The following CNTRL variants were observed in gnomAD, a reference collection of about 807,000 sequenced individuals.
The protein encoded by CNTRL is centriolin, also known as 110 kDa centrosomal protein.
A neutral mutation model predicts 303.7 loss-of-function variants in CNTRL; 233 were observed. The ratio of observed to expected loss-of-function variants is 0.77; its 90% CI spans 0.69 to 0.86. The LOEUF (loss-of-function observed/expected upper bound fraction) is 0.86. CNTRL is among the 40% of genes least tolerant of loss of function. The pLI is 0.00. For synonymous variants in CNTRL, 900 were observed against 922.2 expected (o/e 0.98, Z 0.44); for missense variants, 2,524 against 2,650.6 (o/e 0.95, Z 1.05).
At position 121,145,294 on chromosome 9, in the gene CNTRL, G is replaced by A; in HGVS notation, c.3219G>A (p.Gln1073=). The A allele has an allele frequency of 6.2e-7, 1 of 1,614,000 alleles. No individual in the cohort carries two copies. Among genetic ancestry groups the A allele is most frequent in the Non-Finnish European group, 8.5e-7 (1 of 1,179,962 alleles). ...KTGVGTGANS[Q]VLEIEKLNET... is the part of the protein sequence containing the mutation. ...GTGTAGGTACTGGAGCAAACTCACA[G>A]GTCCTAGAAATTGAGAAACTGAATG... Residue 1073 remains glutamine, a synonymous_variant, in exon 22 of 44, where the codon CAG becomes CAA. Coordinates refer to ENST00000373855, the MANE Select transcript of CNTRL (RefSeq NM_007018.6).
At chr9:121,112,674 A>G (rs749022051) in intron 9 of CNTRL, 96 bp downstream of exon 9, 8 of 1,237,096 alleles carry the variant, frequency 6.5e-6, no homozygotes, top group Non-Finnish European at 8.1e-6. Flanking sequence ...GGATTTGATC[A>G]GATATCACTC....
At chr9:121,142,528 T>C (rs2051576218) in intron 19 of CNTRL, among the ~76,000 whole-genome samples, 1 of 152,224 alleles carries the variant, frequency 6.6e-6, no homozygotes, top group African/African-American at 2.4e-5. Flanking sequence ...ACTTAACAAA[T>C]GATATTGGGA....
chr9:121,086,074 C>T (rs946396147), intron 2 of CNTRL, among the ~76,000 whole-genome samples: 4 of 152,076 alleles, frequency 2.6e-5, no homozygotes, highest in East Asian at 1.9e-4. Context: ...GTAGCTGTGA[C>T]GATGGATAGA....
intron 14 of CNTRL, among the ~76,000 whole-genome samples, chr9:121,133,591 C>G (rs948072451): frequency 6.6e-6 from 1 of 152,200 alleles, no homozygotes; most frequent in South Asian, 2.1e-4. Context: ...GGAAATCCCC[C>G]GACGCCTTGC....
intron 9 of CNTRL, 128 bp from the exon 10 acceptor site, chr9:121,113,374 C>G: frequency 1.9e-6 from 1 of 514,894 alleles, no homozygotes; most frequent in Non-Finnish European, 3.4e-6. Context: ...TCTTTCAGCT[C>G]CTAGGCATGT....
chr9:121,175,201 G>T lies in CNTRL; in HGVS notation c.6931G>T (p.Asp2311Tyr). ...LSQLESSLTE[D>Y]SQLGQNQEKN... Reference sequence around the variant, plus strand: ...TCAGCTGGAGTCTTCCCTCACAGAGGACTCTCAACTTGGACAAAATCAGGT... The same window carrying T: ...TCAGCTGGAGTCTTCCCTCACAGAGTACTCTCAACTTGGACAAAATCAGGT... The change falls in exon 43 of 44, where the codon GAC (aspartate) becomes TAC (tyrosine). Residue 2311 changes from aspartate to tyrosine, a missense_variant. By Grantham distance (160) the Asp-to-Tyr change is radical. Coordinates refer to ENST00000373855, the MANE Select transcript of CNTRL (RefSeq NM_007018.6). 1 of 1,614,060 alleles carries T rather than the reference G, an allele frequency of 6.2e-7. No individual in the cohort carries two copies. The highest frequency in any genetic ancestry group is 1.1e-5 in the South Asian group (1 of 91,084).
At chr9:121,091,928 A>G (rs1588069438) in intron 4 of CNTRL, among the ~76,000 whole-genome samples, 1 of 126,034 alleles carries the variant, frequency 7.9e-6, no homozygotes, top group African/African-American at 3.1e-5. Context: ...TCACTCTGTC[A>G]TCTAGGCCGA....
In CNTRL at chr9:121,103,820, A is replaced by C. The variant is rs905326745; in HGVS notation, c.809-3982A>C. Among the ~76,000 whole-genome samples, 10 of 152,358 alleles carry C rather than the reference A, an allele frequency of 6.6e-5. No individual in the cohort carries two copies. The East Asian group carries it at 1.5e-3, about 23-fold the overall frequency. On this transcript the variant is annotated intron_variant, in intron 7 of 43. Coordinates refer to ENST00000373855, the MANE Select transcript of CNTRL (RefSeq NM_007018.6). ...TCAGAGAAATGCAAATCAAAACCAC[A>C]ATGAGATACCATCTCACACCAGTTA...
intron 4 of CNTRL, among the ~76,000 whole-genome samples, chr9:121,091,702 G>A (rs2048578083): frequency 6.6e-6 from 1 of 152,070 alleles, no homozygotes; most frequent in South Asian, 2.1e-4. Flanking sequence ...AAATTAGCCA[G>A]GCGTAGTGGC....
chr9:121,095,894 ATCAGAAT>A lies in CNTRL; in HGVS notation c.480-524_480-518del, dbSNP rs2048871656. Reference sequence around the variant, plus strand: ...AGTGACTTGGGAAAAACCTTCATCAATCAGAATTCATTAATATGTGTGATAAATGCTT... The same window carrying A: ...AGTGACTTGGGAAAAACCTTCATCAATCATTAATATGTGTGATAAATGCTT... On this transcript the variant is annotated intron_variant, in intron 5 of 43. Transcript: ENST00000373855. Among the ~76,000 whole-genome samples, 6 of 152,234 alleles carry A rather than the reference ATCAGAAT, an allele frequency of 3.9e-5. No individual in the cohort carries two copies. In the South Asian group the frequency reaches 1.2e-3, roughly 31 times the overall value.
At chr9:121,173,101 G>GA in intron 40 of CNTRL, 142 bp from the exon 41 acceptor site, 1 of 743,812 alleles carries the variant, frequency 1.3e-6, no homozygotes, top group East Asian at 2.8e-5. Flanking sequence ...TTGAGTATCT[G>GA]AAAAATCACA....
chr9:121,125,727 G>T lies in CNTRL; in HGVS notation c.1816G>T (p.Ala606Ser), dbSNP rs1304595970. The T allele has an allele frequency of 4.3e-6, 7 of 1,613,958 alleles. No individual in the cohort carries two copies. Among genetic ancestry groups the T allele is most frequent in the Non-Finnish European group, 5.9e-6 (7 of 1,179,956 alleles). The change falls in exon 14 of 44, where the codon GCA becomes TCA. Residue 606 changes from alanine (A) to serine (S), a missense_variant. Ala to Ser is a moderately conservative substitution (Grantham distance 99). Transcript: ENST00000373855. ...TGCATCTTGCTTAGGCCAGATAGCA[G>T]CAAATGAAGCCCTGAAGAAGGATTT... is the stretch of plus-strand genomic sequence containing the variant. ...EEQLTEGQIA[A>S]NEALKKDLEG...
At chr9:121,098,628 A>G in intron 7 of CNTRL, 56 bp downstream of exon 7, 1 of 1,129,270 alleles carries the variant, frequency 8.9e-7, no homozygotes, top group Non-Finnish European at 1.3e-6. Flanking sequence ...TTATTTTCAG[A>G]AGTTATCTAG....
chr9:121,144,129 C>A lies in CNTRL; in HGVS notation c.3051+47C>A. On this transcript the variant is annotated intron_variant, in intron 20 of 43. Coordinates refer to ENST00000373855, the MANE Select transcript of CNTRL (RefSeq NM_007018.6). Reference sequence around the variant, plus strand: ...AGGTTTCCATCAATGATGCTGCTGTCAAAAAACATGGCAACTTGTATTATT... The same window carrying A: ...AGGTTTCCATCAATGATGCTGCTGTAAAAAAACATGGCAACTTGTATTATT... The A allele has an allele frequency of 3.4e-6, 5 of 1,478,664 alleles. No homozygotes were observed. The South Asian group carries it at 5.2e-5, about 15-fold the overall frequency. The allele number at this position is 1,478,664 out of a possible 1,614,324, so 91.6% of individuals were successfully genotyped here.
At chr9:121,176,627 GTTAT>G (rs1283115418) in intron 43 of CNTRL, among the ~76,000 whole-genome samples, 10 of 152,200 alleles carry the variant, frequency 6.6e-5, no homozygotes, top group African/African-American at 2.2e-4. Flanking sequence ...GGCAGCCAGA[GTTAT>G]TTAGTTGCTT....
intron 40 of CNTRL, among the ~76,000 whole-genome samples, chr9:121,171,805 CA>C (rs1284487235): frequency 2.6e-5 from 4 of 152,156 alleles, no homozygotes; most frequent in Non-Finnish European, 5.9e-5. Flanking sequence ...TCTTGAGCAT[CA>C]TATTTCATGT....
chr9:121,113,183 C>G (rs903081969), intron 9 of CNTRL, among the ~76,000 whole-genome samples: 1 of 152,042 alleles, frequency 6.6e-6, no homozygotes, highest in Non-Finnish European at 1.5e-5. Flanking sequence ...AAATAAAACA[C>G]CCATATTTCT....
chr9:121,142,276 G>A lies in CNTRL; in HGVS notation c.2871+6G>A, dbSNP rs762676011. ...TCCGAGAGTTAGAGAAAAAGGTAGG[G>A]GAGACTTAGAAAATGAGACACATAA... On this transcript the variant is annotated splice_donor_region_variant and intron_variant, in intron 19 of 43. Coordinates refer to ENST00000373855, the MANE Select transcript of CNTRL (RefSeq NM_007018.6). 1.7e-5 allele frequency: 27 copies of A among 1,590,914 alleles called. No homozygotes were observed. Among genetic ancestry groups the A allele is most frequent in the African/African-American group, 2.7e-5 (2 of 73,144 alleles).
Position 121,157,746 on chromosome 9 carries a change from C to G in CNTRL, c.4503C>G (p.Leu1501=), listed in dbSNP as rs1382108686. The change falls in exon 29 of 44, where the codon CTC becomes CTG. Residue 1501 remains leucine (L), a synonymous_variant. Transcript: ENST00000373855. ...ATAAAGCAATGTGCTTTAGATCGCT[C>G]CAGGCTGATGCAAAGGATTTGGAGC... ...LVKADQQLRS[L]QADAKDLEQH... is the part of the protein sequence containing the mutation. 6.2e-7 allele frequency: 1 copy of G among 1,613,874 alleles called. No individual in the cohort carries two copies. Among genetic ancestry groups the G allele is most frequent in the African/African-American group, 1.3e-5 (1 of 74,888 alleles).
Sources: allele counts gnomAD v4.1 joint callset (sites outside exome capture counted in the v4.1 genomes callset), GRCh38; gene constraint gnomAD v4.1.1; transcripts MANE v1.5; gene names NCBI Gene and HGNC (gene_info 2026-07-23, HGNC 2026-07-21).